The following CDK6 variants were observed in gnomAD, a reference collection of about 807,000 sequenced individuals.
CDK6 encodes cyclin dependent kinase 6.
Under a neutral mutation model 37.1 loss-of-function variants are expected in CDK6, and 6 were observed. That is an observed-to-expected ratio of 0.16 (90% CI 0.09 to 0.32). CDK6 has a LOEUF of 0.32. Among genes scored for constraint, CDK6 ranks in the 10% least tolerant of loss-of-function variants. The pLI is 1.00. For missense variants in CDK6, 224 were observed against 418.9 expected (o/e 0.53, Z 4.06); for synonymous variants, 160 against 161.3 (o/e 0.99, Z 0.06).
chr7:92,614,503 A>G lies in CDK6; in HGVS notation c.*637T>C. 1 of 233,308 alleles carries G rather than the reference A, an allele frequency of 4.3e-6. No individual in the cohort carries two copies. Among genetic ancestry groups the G allele is most frequent in the East Asian group, 6.0e-5 (1 of 16,570 alleles). 14.5% of individuals were successfully genotyped at this position (233,308 alleles called of 1,614,324 possible). On this transcript the variant is annotated 3_prime_UTR_variant, in exon 8 of 8. Transcript: ENST00000424848. ...AAAACTTCATCTTTTACTGCTAGCA[A>G]ATTTACTGCTTTTGGCCAGAAAAGA...
chr7:92,724,965 A>AAAT (rs1440994425), intron 4 of CDK6: 14 of 924,840 alleles, frequency 1.5e-5, no homozygotes, highest in Non-Finnish European at 1.7e-5. Context: ...CTATATGGAG[A>AAAT]AATAGAAGCT....
intron 2 of CDK6, among the ~76,000 whole-genome samples, chr7:92,778,312 T>C (rs981386652): frequency 6.6e-6 from 1 of 152,228 alleles, no homozygotes; most frequent in Non-Finnish European, 1.5e-5. Context: ...CACATTTATC[T>C]ACTTCTAAAC....
intron 2 of CDK6, among the ~76,000 whole-genome samples, chr7:92,832,228 A>T (rs1801504753): frequency 6.6e-6 from 1 of 152,192 alleles, no homozygotes; most frequent in Admixed American, 6.5e-5. Flanking sequence ...CTAAGAAAAC[A>T]CCATTATCCT....
At chr7:92,705,855 C>G (rs1299828338) in intron 4 of CDK6, among the ~76,000 whole-genome samples, 2 of 152,142 alleles carry the variant, frequency 1.3e-5, no homozygotes, top group East Asian at 3.8e-4. Flanking sequence ...TCCAGAATTG[C>G]AGGTTGAATG....
intron 2 of CDK6, among the ~76,000 whole-genome samples, chr7:92,794,969 A>G (rs1422161011): frequency 6.6e-6 from 1 of 152,146 alleles, no homozygotes; most frequent in Admixed American, 6.6e-5. Context: ...TTGCTCAATT[A>G]AAGTAGGGCT....
chr7:92,728,969 T>C (rs750858250), intron 3 of CDK6, among the ~76,000 whole-genome samples: 14 of 152,204 alleles, frequency 9.2e-5, no homozygotes, highest in Non-Finnish European at 1.5e-4. Flanking sequence ...CCTCTCAGTC[T>C]TTAGCCAACC....
chr7:92,813,965 C>T (rs991127288), intron 2 of CDK6, among the ~76,000 whole-genome samples: 7 of 152,134 alleles, frequency 4.6e-5, no homozygotes, highest in Non-Finnish European at 5.9e-5. Context: ...TTGAGTATCC[C>T]GCAAGCTTCA....
intron 4 of CDK6, 44 bp downstream of exon 4, chr7:92,725,582 T>G: frequency 6.4e-7 from 1 of 1,565,460 alleles, no homozygotes; most frequent in East Asian, 2.3e-5. Context: ...TCATTCAAAA[T>G]AGGAAAAATA....
intron 3 of CDK6, among the ~76,000 whole-genome samples, chr7:92,740,780 C>T (rs1056503456): frequency 1.3e-5 from 2 of 152,050 alleles, no homozygotes; most frequent in Non-Finnish European, 2.9e-5. Flanking sequence ...ACAGTGAAGG[C>T]GGGAAACCGA....
chr7:92,610,310 G>A lies in CDK6; in HGVS notation c.*4830C>T, dbSNP rs552242719. On this transcript the variant is annotated 3_prime_UTR_variant, in exon 8 of 8. Coordinates refer to ENST00000424848, the MANE Select transcript of CDK6 (RefSeq NM_001145306.2). ...CTAGACAAGGTAACAATATGTTGAA[G>A]GAAGTCCACTTCTACTCATTTAGCT... 5 of 232,242 alleles carry A rather than the reference G, an allele frequency of 2.2e-5. No individual in the cohort carries two copies. The South Asian group carries it at 9.1e-4, about 42-fold the overall frequency. The allele number at this position is 232,242 out of a possible 1,614,324, so 14.4% of individuals were successfully genotyped here.
chr7:92,671,897 T>C (rs1294303977), intron 4 of CDK6, among the ~76,000 whole-genome samples: 1 of 151,438 alleles, frequency 6.6e-6, no homozygotes, highest in African/African-American at 2.4e-5. Flanking sequence ...TGGCAACAAT[T>C]ACAGCTCAAT....
At chr7:92,806,631 T>G (rs1044668428) in intron 2 of CDK6, among the ~76,000 whole-genome samples, 2 of 152,206 alleles carry the variant, frequency 1.3e-5, no homozygotes, top group Admixed American at 6.5e-5. Context: ...AAAATGTCTG[T>G]GTAACCAGAT....
chr7:92,761,956 T>A (rs1007655371), intron 3 of CDK6, among the ~76,000 whole-genome samples: 2 of 152,266 alleles, frequency 1.3e-5, no homozygotes, highest in African/African-American at 4.8e-5. Context: ...TATCATGGGC[T>A]GTTAGTATAG....
chr7:92,774,974 T>C (rs771867457), intron 2 of CDK6, 143 bp from the exon 3 acceptor site: 43 of 687,790 alleles, frequency 6.3e-5, no homozygotes, highest in Admixed American at 1.1e-4. Context: ...TGTAAAGATA[T>C]CAAATGAGAT....
intron 3 of CDK6, among the ~76,000 whole-genome samples, chr7:92,773,449 A>T (rs910515418): frequency 6.6e-6 from 1 of 152,192 alleles, no homozygotes; most frequent in Admixed American, 6.6e-5. Flanking sequence ...ACTGTATAAG[A>T]AAAAGGACTA....
chr7:92,734,333 T>A (rs950080143), intron 3 of CDK6, among the ~76,000 whole-genome samples: 1 of 152,204 alleles, frequency 6.6e-6, no homozygotes, highest in Non-Finnish European at 1.5e-5. Context: ...ATCCATCTTG[T>A]ACTCTCTGTC....
rs189042780 is a variant in CDK6 at position 92,688,737 on chromosome 7, A to G, written c.538-17202T>C. ...AACATTTTAGAAGCTGTTGGATAGT[A>G]GTTTTTACTAGATTTCTTCTATGGA... is the stretch of plus-strand genomic sequence containing the variant. On this transcript the variant is annotated intron_variant, in intron 4 of 7. Transcript: ENST00000424848. 2.0e-5 allele frequency among the ~76,000 whole-genome samples: 3 copies of G among 152,272 alleles called. No individual in the cohort carries two copies. The East Asian group carries it at 5.8e-4, about 29-fold the overall frequency.
rs148281084 is a variant in CDK6 at position 92,615,137 on chromosome 7, G to A, written c.*3C>T. 1.8e-4 allele frequency: 296 copies of A among 1,613,458 alleles called. No individual in the cohort carries two copies. The African/African-American group carries it at 2.5e-3, about 14-fold the overall frequency. ...GGATCAGCTTAAGGCGGCTGCTGAGGCCTCAGGCTGTATTCAGCTCCGAGG... is the reference window on the plus strand; with the variant it reads ...GGATCAGCTTAAGGCGGCTGCTGAGACCTCAGGCTGTATTCAGCTCCGAGG... On this transcript the variant is annotated 3_prime_UTR_variant, in exon 8 of 8. Transcript: ENST00000424848.
chr7:92,773,423 C>T (rs1799768192), intron 3 of CDK6, among the ~76,000 whole-genome samples: 1 of 152,134 alleles, frequency 6.6e-6, no homozygotes, highest in South Asian at 2.1e-4. Flanking sequence ...GATGAGCAGT[C>T]CAATTTGCCT....
Sources: gnomAD v4.1 joint callset for allele counts (sites outside exome capture counted in the v4.1 genomes callset) on GRCh38, gnomAD v4.1.1 for gene constraint, MANE v1.5 for transcripts, NCBI Gene and HGNC (gene_info 2026-07-23, HGNC 2026-07-21) for gene names.